The following HS6ST1 variants were observed in gnomAD, a reference collection of about 807,000 sequenced individuals.
HS6ST1 encodes heparan sulfate 6-O-sulfotransferase 1.
A neutral mutation model predicts 25.2 loss-of-function variants in HS6ST1; 3 were observed. The observed-to-expected ratio is 0.12, with a 90% CI of 0.05 to 0.31. The LOEUF is 0.31. Ranked by LOEUF, HS6ST1 falls within the 10% of genes least tolerant of loss-of-function variation. HS6ST1 has a pLI of 1.00. For synonymous variants in HS6ST1, 204 were observed against 275.1 expected, an observed-to-expected ratio of 0.74 and a Z score of 2.56; for missense variants, 310 against 609.6, an observed-to-expected ratio of 0.51 and a Z score of 5.18.
chr2:128,279,928 C>T (rs1693755108), intron 1 of HS6ST1, among the ~76,000 whole-genome samples: 1 of 152,232 alleles, frequency 6.6e-6, no homozygotes, highest in Admixed American at 6.5e-5. Context: ...CCTACCCTGA[C>T]TGCTGGCCTT....
In HS6ST1 at chr2:128,318,534, G is replaced by C. The variant is rs1451643117; in HGVS notation, c.30C>G (p.Thr10=). The C allele has an allele frequency of 1.3e-6, 2 of 1,502,952 alleles. No homozygotes were observed. Among genetic ancestry groups the C allele is most frequent in the Admixed American group, 4.3e-5 (2 of 45,982 alleles). 93.1% of individuals were successfully genotyped at this position (1,502,952 alleles called of 1,614,324 possible). A position where few individuals can be genotyped will look rare whatever the true frequency, so the allele number is the denominator to read the frequency against. MRRRRAGGR[T]MVERASKFVL... ...CGAACTTGCTGGCGCGCTCAACCAT[G>C]GTCCTGCCGCCGGCGCGCCGCCGCC... Residue 10 remains threonine, a synonymous_variant, in exon 1 of 2, where the codon ACC becomes ACG. Transcript: ENST00000259241. This position sits in a 1 kb window ranked among gnomAD's most constrained non-coding sequence, Gnocchi z 5.7.
chr2:128,271,420 G>A (rs547811754), intron 1 of HS6ST1, among the ~76,000 whole-genome samples: 1 of 152,364 alleles, frequency 6.6e-6, no homozygotes, highest in South Asian at 2.1e-4. Flanking sequence ...TTCTGGGCTG[G>A]TGGAGGGTCC....
chr2:128,296,047 T>C (rs551451434), intron 1 of HS6ST1, among the ~76,000 whole-genome samples: 325 of 152,228 alleles, frequency 2.1e-3, no homozygotes, highest in Non-Finnish European at 3.0e-3. Context: ...TGAGAGATGA[T>C]TTCTTCTCTC....
Position 128,267,831 on chromosome 2 carries a change from G to A in HS6ST1, c.*331C>T, listed in dbSNP as rs1693544291. On this transcript the variant is annotated 3_prime_UTR_variant, in exon 2 of 2. Transcript: ENST00000259241. ...GGCAGGTCCACTTTCCGCTGTCCTC[G>A]TCTCTTGCGCAAACCTTCAGTTTTT... 4.8e-6 allele frequency: 2 copies of A among 413,790 alleles called. No homozygotes were observed. The highest frequency in any genetic ancestry group is 5.9e-5 in the South Asian group (2 of 34,138). 25.6% of individuals were successfully genotyped at this position (413,790 alleles called of 1,614,324 possible). A position where few individuals can be genotyped will look rare whatever the true frequency, so the allele number is the denominator to read the frequency against.
At position 128,266,663 on chromosome 2, in the gene HS6ST1, AC is replaced by A. The variant is rs1293079173; in HGVS notation, c.*1498del. The A allele has an allele frequency of 6.6e-6, 1 of 152,248 alleles. No individual in the cohort carries two copies. Among genetic ancestry groups the A allele is most frequent in the Non-Finnish European group, 1.5e-5 (1 of 68,160 alleles). The allele number at this position is 152,248 out of a possible 1,614,324, so 9.4% of individuals were successfully genotyped here. On this transcript the variant is annotated 3_prime_UTR_variant, in exon 2 of 2. Transcript: ENST00000259241. Reference sequence around the variant, plus strand: ...AGCTGGGGCAGGAGAGAGGACCCCCACCAACCCCAGCCAGGTGGCCTGCAGA... The same window carrying A: ...AGCTGGGGCAGGAGAGAGGACCCCCACAACCCCAGCCAGGTGGCCTGCAGA...
chr2:128,281,123 A>C (rs1384019800), intron 1 of HS6ST1, among the ~76,000 whole-genome samples: 3 of 152,252 alleles, frequency 2.0e-5, no homozygotes, highest in Non-Finnish European at 4.4e-5. Flanking sequence ...AGGGAGCAGC[A>C]GGGCTGAGGC....
At chr2:128,278,863 C>T (rs545176668) in intron 1 of HS6ST1, among the ~76,000 whole-genome samples, 1 of 152,312 alleles carries the variant, frequency 6.6e-6, no homozygotes, top group South Asian at 2.1e-4. Flanking sequence ...AATGTTTGAA[C>T]TGACAGGAGT....
rs1450252938 is a variant in HS6ST1, at chr2:128,273,747, G to C, written c.528-4877C>G. Reference sequence around the variant, plus strand: ...TCCTCCATTGCATGCGTTGCCAGACGCATCTGCTGTTTACTCTCCAGTCTG... The same window carrying C: ...TCCTCCATTGCATGCGTTGCCAGACCCATCTGCTGTTTACTCTCCAGTCTG... On this transcript the variant is annotated intron_variant, in intron 1 of 1. Transcript: ENST00000259241. Among the ~76,000 whole-genome samples, 9 of 152,338 alleles carry C rather than the reference G, an allele frequency of 5.9e-5. No homozygotes were observed. In the South Asian group the frequency reaches 1.9e-3, roughly 32 times the overall value.
intron 1 of HS6ST1, among the ~76,000 whole-genome samples, chr2:128,293,954 C>T (rs964635294): frequency 6.6e-6 from 1 of 152,194 alleles, no homozygotes; most frequent in Non-Finnish European, 1.5e-5. Context: ...GGTTTCACCA[C>T]AGGTTGGGGG....
At chr2:128,317,513 G>A (rs1255202773) in intron 1 of HS6ST1, among the ~76,000 whole-genome samples, 1 of 152,190 alleles carries the variant, frequency 6.6e-6, no homozygotes, top group Non-Finnish European at 1.5e-5. Flanking sequence ...GCAGGCAGGC[G>A]GGCAGAGCCA....
At chr2:128,275,178 A>G (rs1382966414) in intron 1 of HS6ST1, among the ~76,000 whole-genome samples, 1 of 152,176 alleles carries the variant, frequency 6.6e-6, no homozygotes, top group Non-Finnish European at 1.5e-5. Flanking sequence ...AGTTACATAG[A>G]AAAGAAAATG....
chr2:128,302,856 C>T (rs1017024774), intron 1 of HS6ST1, among the ~76,000 whole-genome samples: 2 of 152,218 alleles, frequency 1.3e-5, no homozygotes, highest in South Asian at 2.1e-4. Context: ...AGACAGCCGG[C>T]CAGTTCCCTG....
chr2:128,275,297 G>A (rs546790224), intron 1 of HS6ST1, among the ~76,000 whole-genome samples: 1 of 152,282 alleles, frequency 6.6e-6, no homozygotes, highest in Admixed American at 6.5e-5. Context: ...GTGGGTGATG[G>A]GTGGGGTGAG....
intron 1 of HS6ST1, among the ~76,000 whole-genome samples, chr2:128,304,456 C>T (rs1479849445): frequency 6.6e-6 from 1 of 151,548 alleles, no homozygotes. Flanking sequence ...ACTAAGCTGT[C>T]TTTGGCTAAG....
At chr2:128,311,837 G>A (rs1402454979) in intron 1 of HS6ST1, among the ~76,000 whole-genome samples, 2 of 152,162 alleles carry the variant, frequency 1.3e-5, no homozygotes, top group African/African-American at 2.4e-5. Context: ...TGGTGGCATC[G>A]GTGGTGCAGG....
At chr2:128,301,140 T>C (rs1209582425) in intron 1 of HS6ST1, among the ~76,000 whole-genome samples, 5 of 152,058 alleles carry the variant, frequency 3.3e-5, no homozygotes, top group African/African-American at 1.2e-4. Context: ...TGCGTAGCTC[T>C]AGCCGCCCCT....
At chr2:128,278,342 G>C (rs567395855) in intron 1 of HS6ST1, among the ~76,000 whole-genome samples, 78 of 152,362 alleles carry the variant, frequency 5.1e-4, no homozygotes, top group African/African-American at 1.7e-3. Flanking sequence ...GGAAGCTCAG[G>C]ACTCCAGCCA....
rs373065101 is a variant in HS6ST1 at position 128,266,403 on chromosome 2, G to A, written c.*1759C>T. ...CATCCACCCAGGGAGGTGGCCCTGC[G>A]CGGCGCTGGCACGCTGTCCACCCTG... On this transcript the variant is annotated 3_prime_UTR_variant, in exon 2 of 2. Transcript: ENST00000259241. 38 of 152,336 alleles carry A rather than the reference G, an allele frequency of 2.5e-4. No homozygotes were observed. The East Asian group carries it at 5.6e-3, about 22-fold the overall frequency. The allele number at this position is 152,336 out of a possible 1,614,324, so 9.4% of individuals were successfully genotyped here. A position where few individuals can be genotyped will look rare whatever the true frequency, so the allele number is the denominator to read the frequency against.
chr2:128,285,008 C>A (rs543405511), intron 1 of HS6ST1, among the ~76,000 whole-genome samples: 1 of 152,252 alleles, frequency 6.6e-6, no homozygotes, highest in Admixed American at 6.5e-5. Flanking sequence ...GCCTGGTGCC[C>A]GGGCCTCACC....
Sources: gnomAD v4.1 joint callset for allele counts (sites outside exome capture counted in the v4.1 genomes callset) on GRCh38, gnomAD v4.1.1 for gene constraint, Gnocchi (gnomAD v3.1) non-coding constraint, MANE v1.5 for transcripts, NCBI Gene and HGNC (gene_info 2026-07-23, HGNC 2026-07-21) for gene names.